Variants in TLNRD1 observed in about 807,000 individuals in gnomAD.
TLNRD1 encodes the protein talin rod domain containing 1, also known as talin rod domain-containing protein 1.
Under a neutral mutation model 19.5 loss-of-function variants are expected in TLNRD1, and 14 were observed. The ratio of observed to expected loss-of-function variants is 0.72; its 90% CI spans 0.47 to 1.12. The LOEUF (loss-of-function observed/expected upper bound fraction) is 1.12. Ranked by LOEUF, TLNRD1 falls within the 50% of genes most tolerant of loss-of-function variation. TLNRD1 has a pLI of 0.00. For missense variants in TLNRD1, 569 were observed against 531.9 expected (o/e 1.07, Z -0.69); for synonymous variants, 345 against 261.7 (o/e 1.32, Z -3.07).
rs983668369 is a variant in TLNRD1, at chr15:81,005,413, G to A, written c.*2053G>A. ...TATTTATTGAATGTACACAAGTAAT[G>A]ATGGAGTTTGATTATATGGTTCATT... On this transcript the variant is annotated 3_prime_UTR_variant, in exon 1 of 1. Transcript: ENST00000267984. 2.4e-5 allele frequency: 4 copies of A among 167,052 alleles called. No homozygotes were observed. The highest frequency in any genetic ancestry group is 4.4e-5 in the Non-Finnish European group (3 of 68,120). The allele number at this position is 167,052 out of a possible 1,614,324, so 10.3% of individuals were successfully genotyped here.
rs1223479513 is a variant in TLNRD1 at position 81,004,768 on chromosome 15, T to G, written c.*1408T>G. 1.2e-5 allele frequency: 2 copies of G among 167,100 alleles called. No homozygotes were observed. Among genetic ancestry groups the G allele is most frequent in the Non-Finnish European group, 2.9e-5 (2 of 68,120 alleles). The allele number at this position is 167,100 out of a possible 1,614,324, so 10.4% of individuals were successfully genotyped here. ...TCTGCAGACATTTTTAGGAGTCTTT[T>G]TGTGTGAGTGGTGGTGGAGTGTATA... On this transcript the variant is annotated 3_prime_UTR_variant, in exon 1 of 1. Transcript: ENST00000267984.
Position 81,002,518 on chromosome 15 carries a change from A to G in TLNRD1, c.247A>G (p.Ile83Val). 2 of 1,473,358 alleles carry G rather than the reference A, an allele frequency of 1.4e-6. No homozygotes were observed. Among genetic ancestry groups the G allele is most frequent in the Non-Finnish European group, 1.8e-6 (2 of 1,115,734 alleles). 91.3% of individuals were successfully genotyped at this position (1,473,358 alleles called of 1,614,324 possible). A position where few individuals can be genotyped will look rare whatever the true frequency, so the allele number is the denominator to read the frequency against. Residue 83 changes from isoleucine (I) to valine (V), a missense_variant, in exon 1 of 1, where the codon ATC (isoleucine) becomes GTC (valine). Physicochemically the swap from Ile to Val is conservative, Grantham distance 29 (BLOSUM62 3). Coordinates refer to ENST00000267984, the MANE Select transcript of TLNRD1 (RefSeq NM_022566.3). ...ESFEQCRDTIIARTKGLSILT... is the reference protein window; with the variant it reads ...ESFEQCRDTIVARTKGLSILT... ...CTTCGAGCAGTGCCGGGACACCATC[A>G]TCGCGCGCACCAAGGGGCTCTCCAT...
chr15:81,003,022 A>G lies in TLNRD1; in HGVS notation c.751A>G (p.Ser251Gly), dbSNP rs745679503. 5 of 1,556,764 alleles carry G rather than the reference A, an allele frequency of 3.2e-6. No individual in the cohort carries two copies. The South Asian group carries it at 3.5e-5, about 11-fold the overall frequency. ...ELARSRCALF[S>G]GPLVQAVSAL... ...GGCGCGCAGCCGCTGTGCGCTCTTCAGCGGGCCCCTGGTGCAGGCAGTGAG... is the reference window on the plus strand; with the variant it reads ...GGCGCGCAGCCGCTGTGCGCTCTTCGGCGGGCCCCTGGTGCAGGCAGTGAG... The change falls in exon 1 of 1, where the codon AGC becomes GGC. Residue 251 changes from serine (S) to glycine (G), a missense_variant. Physicochemically the swap from Ser to Gly is moderately conservative, Grantham distance 56 (BLOSUM62 0). Coordinates refer to ENST00000267984, the MANE Select transcript of TLNRD1 (RefSeq NM_022566.3).
In TLNRD1 at chr15:81,003,172, C is replaced by T. The variant is rs1255251145; in HGVS notation, c.901C>T (p.Leu301Phe). Reference sequence around the variant, plus strand: ...CATGAGCGTGGTGTCGGCCTGCGTGCTCCTGACCCAGTGCCTCAGGGATCT... The same window carrying T: ...CATGAGCGTGGTGTCGGCCTGCGTGTTCCTGACCCAGTGCCTCAGGGATCT... ...GAMSVVSACV[L>F]LTQCLRDLAQ... Residue 301 changes from leucine (L) to phenylalanine (F), a missense_variant, in exon 1 of 1, where the codon CTC becomes TTC. Transcript: ENST00000267984. 6.3e-7 allele frequency: 1 copy of T among 1,580,728 alleles called. No homozygotes were observed.
At position 81,005,393 on chromosome 15, in the gene TLNRD1, A is replaced by G. The variant is rs192276694; in HGVS notation, c.*2033A>G. On this transcript the variant is annotated 3_prime_UTR_variant, in exon 1 of 1. Coordinates refer to ENST00000267984, the MANE Select transcript of TLNRD1 (RefSeq NM_022566.3). ...TGCATGCATATAGAAATTTTTATTTATTGAATGTACACAAGTAATGATGGA... is the reference window on the plus strand; with the variant it reads ...TGCATGCATATAGAAATTTTTATTTGTTGAATGTACACAAGTAATGATGGA... The G allele has an allele frequency of 8.4e-5, 14 of 167,218 alleles. No homozygotes were observed. Among genetic ancestry groups the G allele is most frequent in the African/African-American group, 3.4e-4 (14 of 41,576 alleles). 10.4% of individuals were successfully genotyped at this position (167,218 alleles called of 1,614,324 possible).
rs778177126 is a variant in TLNRD1, at chr15:81,002,557, G to T, written c.286G>T (p.Val96Leu). 3.4e-6 allele frequency: 5 copies of T among 1,461,662 alleles called. No individual in the cohort carries two copies. The highest frequency in any genetic ancestry group is 3.6e-6 in the Non-Finnish European group (4 of 1,112,524). 90.5% of individuals were successfully genotyped at this position (1,461,662 alleles called of 1,614,324 possible). ...GGGGCTCTCCATCCTCACCCACGAC[G>T]TGCAGAGCCAGCTCAACATGGGCCG... is the stretch of plus-strand genomic sequence containing the variant. ...TKGLSILTHD[V>L]QSQLNMGRFG... Residue 96 changes from valine (V) to leucine (L), a missense_variant, in exon 1 of 1, where the codon GTG (valine) becomes TTG (leucine). Transcript: ENST00000267984.
rs935631853 is a variant in TLNRD1, at chr15:81,002,861, C to T, written c.590C>T (p.Ala197Val). 4.4e-6 allele frequency: 7 copies of T among 1,596,310 alleles called. No individual in the cohort carries two copies. In the African/African-American group the frequency reaches 8.0e-5, roughly 18 times the overall value. Reference sequence around the variant, plus strand: ...CGCAACCTCAAGTTCCTGACGGACGCGTGCGCCCTGGCCAGTGACAAGTCA... The same window carrying T: ...CGCAACCTCAAGTTCCTGACGGACGTGTGCGCCCTGGCCAGTGACAAGTCA... ...LSRNLKFLTD[A>V]CALASDKSRD... The change falls in exon 1 of 1, where the codon GCG becomes GTG. Residue 197 changes from alanine (A) to valine (V), a missense_variant. By Grantham distance (64) the Ala-to-Val change is moderately conservative. Transcript: ENST00000267984.
In TLNRD1 at chr15:81,003,616, T is replaced by G; in HGVS notation, c.*256T>G. On this transcript the variant is annotated 3_prime_UTR_variant, in exon 1 of 1. Transcript: ENST00000267984. ...TGTCATCTGCTGGTTGTGTTATCACTCCCACCCCCTACCCCAGCCCGTCTT... is the reference window on the plus strand; with the variant it reads ...TGTCATCTGCTGGTTGTGTTATCACGCCCACCCCCTACCCCAGCCCGTCTT... 1 of 404,630 alleles carries G rather than the reference T, an allele frequency of 2.5e-6. No individual in the cohort carries two copies. The highest frequency in any genetic ancestry group is 4.0e-5 in the East Asian group (1 of 25,182). 25.1% of individuals were successfully genotyped at this position (404,630 alleles called of 1,614,324 possible).
At position 81,004,566 on chromosome 15, in the gene TLNRD1, G is replaced by A. The variant is rs1445286483; in HGVS notation, c.*1206G>A. On this transcript the variant is annotated 3_prime_UTR_variant, in exon 1 of 1. Transcript: ENST00000267984. Reference sequence around the variant, plus strand: ...AAAAATATAGAGAGGGTCCTAGACTGCTTAATAGAGGAAAGAAGTATCCTG... The same window carrying A: ...AAAAATATAGAGAGGGTCCTAGACTACTTAATAGAGGAAAGAAGTATCCTG... The A allele has an allele frequency of 6.0e-6, 1 of 167,048 alleles. No homozygotes were observed. The highest frequency in any genetic ancestry group is 1.5e-5 in the Non-Finnish European group (1 of 68,120). The allele number at this position is 167,048 out of a possible 1,614,324, so 10.3% of individuals were successfully genotyped here. A position where few individuals can be genotyped will look rare whatever the true frequency, so the allele number is the denominator to read the frequency against.
At position 81,003,293 on chromosome 15, in the gene TLNRD1, C is replaced by T. The variant is rs1159208362; in HGVS notation, c.1022C>T (p.Ser341Phe). The T allele has an allele frequency of 2.5e-6, 4 of 1,612,018 alleles. No individual in the cohort carries two copies. Among genetic ancestry groups the T allele is most frequent in the South Asian group, 1.1e-5 (1 of 90,654 alleles). The change falls in exon 1 of 1, where the codon TCT becomes TTT. Residue 341 changes from serine (S) to phenylalanine (F), a missense_variant. Transcript: ENST00000267984. The stretch of plus-strand genomic sequence containing the variant: ...GTGTCTGAAGGCTGCACCCTGCTAT[C>T]TCAGGCTTTAAGGGAGAGGTCTTCG... ...CAVSEGCTLL[S>F]QALRERSSPR...
chr15:81,002,139 G>A lies in TLNRD1; in HGVS notation c.-133G>A, dbSNP rs1893420483. The stretch of plus-strand genomic sequence containing the variant: ...GTGCCCTCTGCCCGCGGCGGTGGAT[G>A]GCATGATGGTGCGGGGAAGGCACCG... On this transcript the variant is annotated 5_prime_UTR_variant, in exon 1 of 1. An upstream start codon of the reference 5' UTR is lost. Transcript: ENST00000267984. The A allele has an allele frequency of 1.9e-6, 2 of 1,034,962 alleles. No homozygotes were observed. The highest frequency in any genetic ancestry group is 1.7e-5 in the African/African-American group (1 of 59,634). The allele number at this position is 1,034,962 out of a possible 1,614,324, so 64.1% of individuals were successfully genotyped here.
chr15:81,003,174 C>A lies in TLNRD1; in HGVS notation c.903C>A (p.Leu301=), dbSNP rs747666485. ...GAMSVVSACV[L]LTQCLRDLAQ... The stretch of plus-strand genomic sequence containing the variant: ...TGAGCGTGGTGTCGGCCTGCGTGCT[C>A]CTGACCCAGTGCCTCAGGGATCTGG... The change falls in exon 1 of 1, where the codon CTC becomes CTA. Residue 301 remains leucine, a synonymous_variant. Coordinates refer to ENST00000267984, the MANE Select transcript of TLNRD1 (RefSeq NM_022566.3). 8.2e-6 allele frequency: 13 copies of A among 1,581,908 alleles called. No homozygotes were observed. Among genetic ancestry groups the A allele is most frequent in the Non-Finnish European group, 1.0e-5 (12 of 1,164,318 alleles).
Position 81,003,075 on chromosome 15 carries a change from G to C in TLNRD1, c.804G>C (p.Pro268=). The change falls in exon 1 of 1, where the codon CCG becomes CCC. Residue 268 remains proline, a synonymous_variant. Coordinates refer to ENST00000267984, the MANE Select transcript of TLNRD1 (RefSeq NM_022566.3). ...CCCTGGTAGGCTTCGCCACCGAGCC[G>C]CAGTTCCTGGGTCGCGCGGCAGCTG... The part of the protein sequence containing the change: ...VSALVGFATE[P]QFLGRAAAVS... 6.5e-7 allele frequency: 1 copy of C among 1,549,804 alleles called. No individual in the cohort carries two copies. The highest frequency in any genetic ancestry group is 8.7e-7 in the Non-Finnish European group (1 of 1,152,780).
At position 81,001,266 on chromosome 15, in the gene TLNRD1, CG is replaced by C; in HGVS notation, c.-1002del. The C allele has an allele frequency of 6.6e-6, 1 of 152,272 alleles. No homozygotes were observed. Among genetic ancestry groups the C allele is most frequent in the Non-Finnish European group, 1.5e-5 (1 of 68,118 alleles). 9.4% of individuals were successfully genotyped at this position (152,272 alleles called of 1,614,324 possible). A position where few individuals can be genotyped will look rare whatever the true frequency, so the allele number is the denominator to read the frequency against. ...GACTCGTGCAGGGGCGTCCGATGCG[CG>C]GGGCCCGGGGCCTCGGGAGAGCTCA... On this transcript the variant is annotated 5_prime_UTR_variant, in exon 1 of 1. The change abolishes the stop of an existing upstream ORF in the 5' untranslated region. Transcript: ENST00000267984.
Position 81,003,284 on chromosome 15 carries a change from C to A in TLNRD1, c.1013C>A (p.Thr338Asn). The A allele has an allele frequency of 1.2e-6, 2 of 1,611,708 alleles. No homozygotes were observed. Among genetic ancestry groups the A allele is most frequent in the African/African-American group, 1.3e-5 (1 of 75,048 alleles). Residue 338 changes from threonine to asparagine, a missense_variant, in exon 1 of 1, where the codon ACC (threonine) becomes AAC (asparagine). Thr to Asn is a moderately conservative substitution (Grantham distance 65). Transcript: ENST00000267984. ...GCCTGCGCCGTGTCTGAAGGCTGCACCCTGCTATCTCAGGCTTTAAGGGAG... is the reference window on the plus strand; with the variant it reads ...GCCTGCGCCGTGTCTGAAGGCTGCAACCTGCTATCTCAGGCTTTAAGGGAG... ...NSACAVSEGC[T>N]LLSQALRERS...
Position 81,002,695 on chromosome 15 carries a change from C to A in TLNRD1, c.424C>A (p.Pro142Thr). ...LAAVATPGAQ[P>T]AQPGLVDRYR... is the part of the protein sequence containing the mutation. ...CGCTGTGGCCACGCCGGGCGCCCAG[C>A]CCGCGCAGCCGGGCCTGGTGGACCG... is the stretch of plus-strand genomic sequence containing the variant. The change falls in exon 1 of 1, where the codon CCC (proline) becomes ACC (threonine). Residue 142 changes from proline to threonine, a missense_variant. Coordinates refer to ENST00000267984, the MANE Select transcript of TLNRD1 (RefSeq NM_022566.3). The A allele has an allele frequency of 6.7e-7, 1 of 1,490,850 alleles. No individual in the cohort carries two copies. The highest frequency in any genetic ancestry group is 2.6e-5 in the East Asian group (1 of 39,060). 92.4% of individuals were successfully genotyped at this position (1,490,850 alleles called of 1,614,324 possible). A position where few individuals can be genotyped will look rare whatever the true frequency, so the allele number is the denominator to read the frequency against.
chr15:81,002,719 C>G lies in TLNRD1; in HGVS notation c.448C>G (p.Arg150Gly), dbSNP rs1296986322. The G allele has an allele frequency of 1.3e-6, 2 of 1,529,328 alleles. No individual in the cohort carries two copies. The highest frequency in any genetic ancestry group is 1.7e-6 in the Non-Finnish European group (2 of 1,144,104). 94.7% of individuals were successfully genotyped at this position (1,529,328 alleles called of 1,614,324 possible). ...AQPAQPGLVDRYRVTRCRHEV... is the reference protein window; with the variant it reads ...AQPAQPGLVDGYRVTRCRHEV... ...GCCCGCGCAGCCGGGCCTGGTGGAC[C>G]GCTACCGCGTGACGCGATGCCGCCA... Residue 150 changes from arginine (R) to glycine (G), a missense_variant, in exon 1 of 1, where the codon CGC (arginine) becomes GGC (glycine). By Grantham distance (125) the Arg-to-Gly change is moderately radical. Transcript: ENST00000267984.
chr15:81,002,357 C>A lies in TLNRD1; in HGVS notation c.86C>A (p.Pro29Gln). Residue 29 changes from proline (P) to glutamine (Q), a missense_variant, in exon 1 of 1, where the codon CCG (proline) becomes CAG (glutamine). By Grantham distance (76) the Pro-to-Gln change is moderately conservative. Coordinates refer to ENST00000267984, the MANE Select transcript of TLNRD1 (RefSeq NM_022566.3). The part of the protein sequence containing the change: ...ASAIGGASSQ[P>Q]RKRLVSVCDH... The stretch of plus-strand genomic sequence containing the variant: ...GCCATCGGCGGGGCCAGCTCGCAGC[C>A]GCGGAAGAGGCTGGTATCCGTCTGC... The A allele has an allele frequency of 7.0e-7, 1 of 1,436,178 alleles. No individual in the cohort carries two copies. The allele number at this position is 1,436,178 out of a possible 1,614,324, so 89.0% of individuals were successfully genotyped here.
At position 81,003,691 on chromosome 15, in the gene TLNRD1, GTTCAT is replaced by G. The variant is rs1293633311; in HGVS notation, c.*339_*343del. ...TTATTGGGCAGGAAGGAGGTCATGG[GTTCAT>G]TTCATTTTTGTTTTTTGTGTTTTTA... On this transcript the variant is annotated 3_prime_UTR_variant, in exon 1 of 1. Transcript: ENST00000267984. 3.8e-6 allele frequency: 1 copy of G among 265,882 alleles called. No individual in the cohort carries two copies. The highest frequency in any genetic ancestry group is 2.2e-5 in the African/African-American group (1 of 45,050). 16.5% of individuals were successfully genotyped at this position (265,882 alleles called of 1,614,324 possible). A position where few individuals can be genotyped will look rare whatever the true frequency, so the allele number is the denominator to read the frequency against.
Sources: allele counts gnomAD v4.1 joint callset, GRCh38; gene constraint gnomAD v4.1.1; transcripts MANE v1.5; gene names NCBI Gene and HGNC (gene_info 2026-07-23, HGNC 2026-07-21).